ITGAV: variants seen among roughly 807,000 people sequenced by gnomAD.
The protein encoded by ITGAV is integrin subunit alpha V.
A neutral mutation model predicts 143.8 loss-of-function variants in ITGAV; 76 were observed. That is an observed-to-expected ratio of 0.53 (90% CI 0.44 to 0.64). ITGAV has a LOEUF of 0.64. Ranked by LOEUF, ITGAV falls within the 30% of genes least tolerant of loss-of-function variation. The pLI is 0.00. For missense variants in ITGAV, 1,193 were observed against 1,274.7 expected, an observed-to-expected ratio of 0.94 and a Z score of 0.98; for synonymous variants, 453 against 446.7, an observed-to-expected ratio of 1.01 and a Z score of -0.18.
intron 1 of ITGAV, among the ~76,000 whole-genome samples, chr2:186,595,086 A>C (rs572745034): frequency 6.6e-6 from 1 of 152,362 alleles, no homozygotes; most frequent in Non-Finnish European, 1.5e-5. Context: ...TAAAAAATGA[A>C]AAGTAAATCT....
Position 186,646,025 on chromosome 2 carries a change from C to T in ITGAV, c.1160-661C>T, listed in dbSNP as rs191658906. Among the ~76,000 whole-genome samples, 26 of 151,964 alleles carry T rather than the reference C, an allele frequency of 1.7e-4. No homozygotes were observed. In the Middle Eastern group the frequency reaches 0.01, roughly 60 times the overall value. Reference sequence around the variant, plus strand: ...AAAAAGGCTGTTTAAGTGCAAAATGCGGCAATGACTTGTCTAGGGTGGCAG... The same window carrying T: ...AAAAAGGCTGTTTAAGTGCAAAATGTGGCAATGACTTGTCTAGGGTGGCAG... On this transcript the variant is annotated intron_variant, in intron 12 of 29. Coordinates refer to ENST00000261023, the MANE Select transcript of ITGAV (RefSeq NM_002210.5).
rs1326481320 is a variant in ITGAV, at chr2:186,679,907, CACTT to C, written c.*2618_*2621del. 1 of 152,024 alleles carries C rather than the reference CACTT, an allele frequency of 6.6e-6. No individual in the cohort carries two copies. The highest frequency in any genetic ancestry group is 2.4e-5 in the African/African-American group (1 of 41,438). 9.4% of individuals were successfully genotyped at this position (152,024 alleles called of 1,614,324 possible). A position where few individuals can be genotyped will look rare whatever the true frequency, so the allele number is the denominator to read the frequency against. ...CTTATTCATAGTTAATTCTCATTAA[CACTT>C]ACATTTCCATAAAGAAAACTCAAGT... On this transcript the variant is annotated 3_prime_UTR_variant, in exon 30 of 30. Transcript: ENST00000261023.
At chr2:186,623,599 G>A (rs978227276) in intron 3 of ITGAV, among the ~76,000 whole-genome samples, 4 of 151,956 alleles carry the variant, frequency 2.6e-5, no homozygotes, top group Admixed American at 1.3e-4. Context: ...TATACCTCTA[G>A]CTTTTAATTC....
rs905672302 is a variant in ITGAV at position 186,600,139 on chromosome 2, A to G, written c.186-1882A>G. 13 of 522,220 alleles carry G rather than the reference A, an allele frequency of 2.5e-5. No homozygotes were observed. The East Asian group carries it at 4.1e-4, about 16-fold the overall frequency. 32.3% of individuals were successfully genotyped at this position (522,220 alleles called of 1,614,324 possible). A position where few individuals can be genotyped will look rare whatever the true frequency, so the allele number is the denominator to read the frequency against. Reference sequence around the variant, plus strand: ...CCAAAAGGCCCTATTTGACTTAGTTATTGCCAGGCTCCTTGACCTTATCTT... The same window carrying G: ...CCAAAAGGCCCTATTTGACTTAGTTGTTGCCAGGCTCCTTGACCTTATCTT... On this transcript the variant is annotated intron_variant, in intron 1 of 29. Coordinates refer to ENST00000261023, the MANE Select transcript of ITGAV (RefSeq NM_002210.5).
At chr2:186,666,638 C>A in intron 21 of ITGAV, 66 bp from the exon 22 acceptor site, 2 of 784,548 alleles carry the variant, frequency 2.5e-6, no homozygotes, top group Non-Finnish European at 3.9e-6. Flanking sequence ...TTTATTTAGA[C>A]ATTGGATTTG....
intron 6 of ITGAV, among the ~76,000 whole-genome samples, chr2:186,634,519 G>A (rs1273045653): frequency 6.6e-6 from 1 of 152,076 alleles, no homozygotes; most frequent in African/African-American, 2.4e-5. Flanking sequence ...TTTGCTGGAG[G>A]ATGACAGGAT....
intron 2 of ITGAV, among the ~76,000 whole-genome samples, chr2:186,610,156 A>G (rs1000917683): frequency 1.3e-5 from 2 of 152,158 alleles, no homozygotes; most frequent in Admixed American, 6.5e-5. Context: ...ATTATCATAT[A>G]CATATATTCA....
intron 16 of ITGAV, 76 bp downstream of exon 16, chr2:186,654,784 C>G: frequency 1.6e-6 from 1 of 643,990 alleles, no homozygotes; most frequent in Non-Finnish European, 2.8e-6. Context: ...TTAAGATATT[C>G]AAATAGTTAC....
intron 3 of ITGAV, among the ~76,000 whole-genome samples, chr2:186,623,675 T>C (rs1486672978): frequency 6.6e-6 from 1 of 152,168 alleles, no homozygotes; most frequent in Non-Finnish European, 1.5e-5. Flanking sequence ...ATGGCCAAAA[T>C]AGGACTCTTG....
intron 13 of ITGAV, 128 bp from the exon 14 acceptor site, chr2:186,649,712 C>G: frequency 1.8e-6 from 1 of 565,900 alleles, no homozygotes; most frequent in South Asian, 3.2e-5. Flanking sequence ...TATATGATGT[C>G]TTACAACCTC....
intron 12 of ITGAV, 33 bp downstream of exon 12, chr2:186,641,621 G>T: frequency 6.4e-7 from 1 of 1,569,208 alleles, no homozygotes; most frequent in South Asian, 1.1e-5. Flanking sequence ...ACAGGTCCCT[G>T]ATTATCTGTG....
At chr2:186,641,804 T>C in intron 12 of ITGAV, 1 of 538,964 alleles carries the variant, frequency 1.9e-6, no homozygotes, top group Non-Finnish European at 3.3e-6. Context: ...TGAGTTATTA[T>C]TCACTTGGCC....
In ITGAV at chr2:186,675,646, G is replaced by T. The variant is rs1689186247; in HGVS notation, c.2749G>T (p.Gly917Trp). The T allele has an allele frequency of 1.9e-6, 3 of 1,613,934 alleles. No individual in the cohort carries two copies. Among genetic ancestry groups the T allele is most frequent in the Non-Finnish European group, 2.5e-6 (3 of 1,179,948 alleles). ...GTGCTTGAAGATTGTCTGCCAAGTT[G>T]GGAGATTAGACAGAGGAAAGAGTGC... Reference protein sequence around the residue: ...AQCLKIVCQVGRLDRGKSAIL... With the variant: ...AQCLKIVCQVWRLDRGKSAIL... Residue 917 changes from glycine to tryptophan, a missense_variant, in exon 27 of 30, where the codon GGG becomes TGG. Physicochemically the swap from Gly to Trp is radical, Grantham distance 184. Coordinates refer to ENST00000261023, the MANE Select transcript of ITGAV (RefSeq NM_002210.5).
rs1559058637 is a variant in ITGAV, at chr2:186,649,001, TACACATTTGTGTGTATATATATAC to T, written c.1352-835_1352-812del. ...ATATATACATTTGTGTGTATATATA[TACACATTTGTGTGTATATATATAC>T]ACATTTGTGTGTATATATATACACA... On this transcript the variant is annotated intron_variant, in intron 13 of 29. Coordinates refer to ENST00000261023, the MANE Select transcript of ITGAV (RefSeq NM_002210.5). Among the ~76,000 whole-genome samples the T allele has an allele frequency of 1.7e-3, 13 of 7,674 alleles. No individual in the cohort carries two copies. In the South Asian group the frequency reaches 0.029, roughly 17 times the overall value. The allele number at this position is 7,674 out of a possible 152,430, so 5.0% of individuals were successfully genotyped here. A position where few individuals can be genotyped will look rare whatever the true frequency, so the allele number is the denominator to read the frequency against.
intron 7 of ITGAV, 102 bp downstream of exon 7, chr2:186,636,309 T>G: frequency 1.1e-6 from 1 of 936,506 alleles, no homozygotes; most frequent in Non-Finnish European, 1.6e-6. Context: ...TGAAATAGAT[T>G]AGGATTTTTT....
At chr2:186,632,467 G>T (rs1444970783) in intron 5 of ITGAV, among the ~76,000 whole-genome samples, 1 of 152,010 alleles carries the variant, frequency 6.6e-6, no homozygotes, top group Non-Finnish European at 1.5e-5. Flanking sequence ...AGCTTGGAAG[G>T]GCTATATGTA....
At position 186,656,350 on chromosome 2, in the gene ITGAV, T is replaced by G. The variant is rs201383703; in HGVS notation, c.1668T>G (p.Thr556=). 1.3e-6 allele frequency: 2 copies of G among 1,562,038 alleles called. No homozygotes were observed. Among genetic ancestry groups the G allele is most frequent in the Non-Finnish European group, 8.6e-7 (1 of 1,160,320 alleles). Residue 556 remains threonine, a synonymous_variant, in exon 17 of 30, where the codon ACT becomes ACG. Coordinates refer to ENST00000261023, the MANE Select transcript of ITGAV (RefSeq NM_002210.5). ...SRSPSHSKNM[T]ISRGGLMQCE... The stretch of plus-strand genomic sequence containing the variant: ...CCCCAAGTCACTCCAAGAACATGAC[T>G]ATTTCAAGGGGGGGACTGATGCAGT...
At chr2:186,655,495 C>T (rs1189072334) in intron 16 of ITGAV, among the ~76,000 whole-genome samples, 7 of 152,140 alleles carry the variant, frequency 4.6e-5, no homozygotes, top group African/African-American at 1.4e-4. Context: ...GGTTGAGAAA[C>T]GGCATGGAGG....
At chr2:186,600,239 C>A in intron 1 of ITGAV, 1 of 1,123,546 alleles carries the variant, frequency 8.9e-7, no homozygotes. Context: ...TCTTTCTTGC[C>A]AGGGTCTTTC....
Sources: allele counts gnomAD v4.1 joint callset (sites outside exome capture counted in the v4.1 genomes callset), GRCh38; gene constraint gnomAD v4.1.1; transcripts MANE v1.5; gene names NCBI Gene and HGNC (gene_info 2026-07-23, HGNC 2026-07-21).